CPSF1: variants seen among roughly 807,000 people sequenced by gnomAD.
CPSF1 encodes the protein cleavage and polyadenylation specific factor 1.
Under a neutral mutation model 175.8 loss-of-function variants are expected in CPSF1, and 106 were observed. The observed-to-expected ratio is 0.60, with a 90% confidence interval of 0.52 to 0.71. CPSF1 has a LOEUF of 0.71. Ranked by LOEUF, CPSF1 falls within the 30% of genes least tolerant of loss-of-function variation. CPSF1 has a pLI of 0.00. For missense variants in CPSF1, 1,734 were observed against 2,022.9 expected (o/e 0.86, Z 2.74); for synonymous variants, 1,024 against 858.3 (o/e 1.19, Z -3.37).
rs1554864629 is a variant in CPSF1, at chr8:144,397,843, G to C, written c.2110C>G (p.Leu704Val). The change falls in exon 21 of 38, where the codon CTC becomes GTC. Residue 704 changes from leucine to valine, a missense_variant. Transcript: ENST00000616140. ...KVITLCLYRD[L>V]SGMFTTESRL... ...CTCTCAGTGGTGAACATGCCGCTGA[G>C]GTCTCGGTACAGGCACAGCGTAATC... The C allele has an allele frequency of 6.2e-7, 1 of 1,611,332 alleles. No homozygotes were observed. Among genetic ancestry groups the C allele is most frequent in the Admixed American group, 1.7e-5 (1 of 59,984 alleles).
intron 2 of CPSF1, among the ~76,000 whole-genome samples, chr8:144,407,007 C>T (rs1295347229): frequency 6.6e-5 from 10 of 152,048 alleles, no homozygotes; most frequent in African/African-American, 9.7e-5. Flanking sequence ...CCTCCGCCTA[C>T]GGGTTCAAGC....
In CPSF1 at chr8:144,395,536, T is replaced by G; in HGVS notation, c.2995A>C (p.Ser999Arg). 1.5e-6 allele frequency: 2 copies of G among 1,339,432 alleles called. No individual in the cohort carries two copies. Among genetic ancestry groups the G allele is most frequent in the Non-Finnish European group, 2.0e-6 (2 of 997,882 alleles). The allele number at this position is 1,339,432 out of a possible 1,614,324, so 83.0% of individuals were successfully genotyped here. ...YFNRQGELRI[S>R]VLPAYLSYDA... ...TAGGACAGGTAGGCAGGCAGGACAC[T>G]GATCCTCAGCTCGCCCTGGGGTGGG... Residue 999 changes from serine to arginine, a missense_variant, in exon 27 of 38, where the codon AGT becomes CGT. Physicochemically the swap from Ser to Arg is moderately radical, Grantham distance 110 (BLOSUM62 -1). Transcript: ENST00000616140.
rs782349025 is a variant in CPSF1 at position 144,393,634 on chromosome 8, G to A, written c.4145+33C>T. ...GGTGTCAGGGCAGGCTGGGGTGGAG[G>A]GGGTGCTGCACGGGGGCGGGGCCGG... is the stretch of plus-strand genomic sequence containing the variant. On this transcript the variant is annotated intron_variant, in intron 36 of 37. Transcript: ENST00000616140. 77 of 1,586,374 alleles carry A rather than the reference G, an allele frequency of 4.9e-5. No homozygotes were observed. In the Middle Eastern group the frequency reaches 6.8e-4, roughly 14 times the overall value.
At chr8:144,393,404 GA>G in intron 37 of CPSF1, 39 bp from the exon 38 acceptor site, 1 of 665,084 alleles carries the variant, frequency 1.5e-6, no homozygotes, top group African/African-American at 2.2e-5. Flanking sequence ...GGTGGGTGGG[GA>G]TGCACACGGA....
At position 144,393,460 on chromosome 8, in the gene CPSF1, G is replaced by C. The variant is rs1820464452; in HGVS notation, c.4276C>G (p.Pro1426Ala). ...GCGGGGCGCGCACTCACTATGTCTG[G>C]TGTGGTGCCGATCTTCTTGGCTAGC... ...SELAKKIGTTPDIILDDLLET... is the reference protein window; with the variant it reads ...SELAKKIGTTADIILDDLLET... The change falls in exon 37 of 38, where the codon CCA becomes GCA. Residue 1426 changes from proline to alanine, a missense_variant. Physicochemically the swap from Pro to Ala is conservative, Grantham distance 27. Transcript: ENST00000616140. 3 of 1,553,606 alleles carry C rather than the reference G, an allele frequency of 1.9e-6. No homozygotes were observed. The highest frequency in any genetic ancestry group is 2.4e-5 in the South Asian group (2 of 84,302).
rs376395832 is a variant in CPSF1 at position 144,395,598 on chromosome 8, C to A, written c.2980-47G>T. The A allele has an allele frequency of 1.3e-3, 1,995 of 1,498,024 alleles. 52 individuals carry two copies. The South Asian group carries it at 0.023, about 17-fold the overall frequency. 92.8% of individuals were successfully genotyped at this position (1,498,024 alleles called of 1,614,324 possible). ...CAGGGGATCCAGGGCTAGCCAAGGG[C>A]AGGGGCAGGCAGGCCCAGGCCGCCA... is the stretch of plus-strand genomic sequence containing the variant. On this transcript the variant is annotated intron_variant, in intron 26 of 37. Transcript: ENST00000616140.
At chr8:144,404,334 T>C (rs1053810064) in intron 2 of CPSF1, among the ~76,000 whole-genome samples, 8 of 152,084 alleles carry the variant, frequency 5.3e-5, no homozygotes, top group Non-Finnish European at 1.0e-4. Flanking sequence ...TGCACTTCTG[T>C]GTACATGCAA....
intron 23 of CPSF1, 104 bp downstream of exon 23, chr8:144,397,103 C>G: frequency 9.3e-7 from 1 of 1,080,596 alleles, no homozygotes; most frequent in Non-Finnish European, 1.3e-6. Context: ...AGGGGCGGGG[C>G]CGTGGGGGAG....
At chr8:144,398,229 C>A in intron 19 of CPSF1, 73 bp downstream of exon 19, 1 of 1,087,926 alleles carries the variant, frequency 9.2e-7, no homozygotes, top group Non-Finnish European at 1.2e-6. Flanking sequence ...AACCACCTCC[C>A]CCCCACCGTC....
rs2116853175 is a variant in CPSF1, at chr8:144,398,645, G to C, written c.1639-7C>G. ...CCCCCTTGGGATTGTCCTCCTGTCAGGGCCAAAGGGGGGCAGGCTGGAAGC... is the reference window on the plus strand; with the variant it reads ...CCCCCTTGGGATTGTCCTCCTGTCACGGCCAAAGGGGGGCAGGCTGGAAGC... On this transcript the variant is annotated splice_region_variant and splice_polypyrimidine_tract_variant and intron_variant, in intron 17 of 37. Coordinates refer to ENST00000616140, the MANE Select transcript of CPSF1 (RefSeq NM_013291.3). 2 of 1,613,444 alleles carry C rather than the reference G, an allele frequency of 1.2e-6. No homozygotes were observed. Among genetic ancestry groups the C allele is most frequent in the East Asian group, 2.2e-5 (1 of 44,874 alleles).
chr8:144,403,871 T>G (rs953754040), intron 2 of CPSF1, among the ~76,000 whole-genome samples: 4 of 151,550 alleles, frequency 2.6e-5, no homozygotes, highest in African/African-American at 9.7e-5. Context: ...ATAAAGGGTA[T>G]CTACAAAAAG....
In CPSF1 at chr8:144,397,570, G is replaced by T; in HGVS notation, c.2302C>A (p.Pro768Thr). Residue 768 changes from proline to threonine, a missense_variant, in exon 22 of 38, where the codon CCC becomes ACC. Transcript: ENST00000616140. ...SKEEARRSSQ[P>T]PADRDPAPFR... ...GGTGCAGGGTCCCGGTCAGCAGGGG[G>T]CTGGCTGCTTCTTCGGGCCTCCTCC... is the stretch of plus-strand genomic sequence containing the variant. 1 of 1,545,532 alleles carries T rather than the reference G, an allele frequency of 6.5e-7. No individual in the cohort carries two copies. The highest frequency in any genetic ancestry group is 8.8e-7 in the Non-Finnish European group (1 of 1,140,718).
chr8:144,396,311 C>A, intron 26 of CPSF1, 37 bp downstream of exon 26: 7 of 1,559,668 alleles, frequency 4.5e-6, no homozygotes, highest in Non-Finnish European at 6.1e-6. Flanking sequence ...GCTGGGGCAG[C>A]ATCAGCCAGT....
At position 144,401,690 on chromosome 8, in the gene CPSF1, G is replaced by A; in HGVS notation, c.145-17C>T. On this transcript the variant is annotated splice_polypyrimidine_tract_variant and intron_variant, in intron 2 of 37. Coordinates refer to ENST00000616140, the MANE Select transcript of CPSF1 (RefSeq NM_013291.3). Reference sequence around the variant, plus strand: ...GGTCAGAGCCTGGAGGGGAGAGAAAGACAGGGCAGTGAGGGGCCACATCTG... The same window carrying A: ...GGTCAGAGCCTGGAGGGGAGAGAAAAACAGGGCAGTGAGGGGCCACATCTG... 1 of 1,601,690 alleles carries A rather than the reference G, an allele frequency of 6.2e-7. No individual in the cohort carries two copies. The highest frequency in any genetic ancestry group is 8.5e-7 in the Non-Finnish European group (1 of 1,174,168).
In CPSF1 at chr8:144,393,998, T is replaced by C. The variant is rs782495685; in HGVS notation, c.3900A>G (p.Ala1300=). ...SFGGMRLLRR[A]DFHVGAHVNT... is the part of the protein sequence containing the mutation. ...TCACGTGGGCACCCACGTGGAAGTC[T>C]GCCCGACGCAGCAGGCGCATGCCCC... The change falls in exon 35 of 38, where the codon GCA becomes GCG. Residue 1300 remains alanine, a synonymous_variant. Coordinates refer to ENST00000616140, the MANE Select transcript of CPSF1 (RefSeq NM_013291.3). 16 of 1,613,000 alleles carry C rather than the reference T, an allele frequency of 9.9e-6. No homozygotes were observed. The highest frequency in any genetic ancestry group is 1.2e-5 in the Non-Finnish European group (14 of 1,179,592).
rs782727526 is a variant in CPSF1, at chr8:144,395,136, G to A, written c.3234C>T (p.Leu1078=). The stretch of plus-strand genomic sequence containing the variant: ...TAGCCTCCCAGCTGACCGGGGAGAT[G>A]AGCTGGATGGAGAAGGCCTCCTGCT... The part of the protein sequence containing the change: ...HPQQEAFSIQ[L]ISPVSWEAIP... Residue 1078 remains leucine, a synonymous_variant, in exon 29 of 38, where the codon CTC becomes CTT. Transcript: ENST00000616140. 43 of 1,612,462 alleles carry A rather than the reference G, an allele frequency of 2.7e-5. No individual in the cohort carries two copies. Among genetic ancestry groups the A allele is most frequent in the South Asian group, 4.4e-5 (4 of 90,982 alleles).
In CPSF1 at chr8:144,393,917, CGACT is replaced by C. The variant is rs782774402; in HGVS notation, c.3977_3980del (p.Lys1326ArgfsTer34). ...TGATGTGCTTATTCTCCCACACGAC[CGACT>C]TTTTGCTGAGCCCTTCAGTGGCCCC... On this transcript the variant is annotated frameshift_variant, in exon 35 of 38. Coordinates refer to ENST00000616140, the MANE Select transcript of CPSF1 (RefSeq NM_013291.3). LOFTEE classifies it high-confidence loss of function. 5 of 1,613,254 alleles carry C rather than the reference CGACT, an allele frequency of 3.1e-6. No individual in the cohort carries two copies. Among genetic ancestry groups the C allele is most frequent in the Admixed American group, 1.7e-5 (1 of 59,936 alleles).
rs1554863306 is a variant in CPSF1 at position 144,395,289 on chromosome 8, T to C, written c.3163A>G (p.Lys1055Glu). 1 of 1,613,118 alleles carries C rather than the reference T, an allele frequency of 6.2e-7. No individual in the cohort carries two copies. Among genetic ancestry groups the C allele is most frequent in the Admixed American group, 1.7e-5 (1 of 59,998 alleles). ...CCTCTCTCGATGGTCTCAAACTCCT[T>C]CTCCTCGCCAGTCATGCGTGGGATG... The part of the protein sequence containing the change: ...ARIPRMTGEE[K>E]EFETIERDER... Residue 1055 changes from lysine to glutamate, a missense_variant, in exon 28 of 38, where the codon AAG becomes GAG. By Grantham distance (56) the Lys-to-Glu change is moderately conservative (BLOSUM62 1). Transcript: ENST00000616140.
chr8:144,400,020 T>C lies in CPSF1; in HGVS notation c.1003A>G (p.Met335Val). The change falls in exon 10 of 38, where the codon ATG becomes GTG. Residue 335 changes from methionine (M) to valine (V), a missense_variant. Physicochemically the swap from Met to Val is conservative, Grantham distance 21 (BLOSUM62 1). Transcript: ENST00000616140. ...AQATFISYDK[M>V]VISLKGGEIY... The stretch of plus-strand genomic sequence containing the variant: ...TCGCCGCCCTTGAGGGAGATGACCA[T>C]CTTGTCGTAGGAGATGAAGGTGGCC... 6.2e-7 allele frequency: 1 copy of C among 1,612,084 alleles called. No individual in the cohort carries two copies. The highest frequency in any genetic ancestry group is 8.5e-7 in the Non-Finnish European group (1 of 1,179,850).
Sources: allele counts gnomAD v4.1 joint callset (sites outside exome capture counted in the v4.1 genomes callset), GRCh38; gene constraint gnomAD v4.1.1; transcripts MANE v1.5; gene names NCBI Gene and HGNC (gene_info 2026-07-23, HGNC 2026-07-21).